LIMCH1: variants seen among roughly 807,000 people sequenced by gnomAD.
LIMCH1 encodes LIM and calponin homology domains 1.
In LIMCH1, 113 loss-of-function variants were observed where a neutral mutation model predicts 176.5. The ratio of observed to expected loss-of-function variants is 0.64; its 90% confidence interval spans 0.55 to 0.75. The LOEUF is 0.75. LIMCH1 is among the 30% of genes least tolerant of loss of function. The pLI is 0.00. For synonymous variants in LIMCH1, 619 were observed against 645.9 expected (o/e 0.96, Z 0.63); for missense variants, 1,674 against 1,814.9 (o/e 0.92, Z 1.41).
chr4:41,492,965 G>A (rs2071364339), intron 1 of LIMCH1, among the ~76,000 whole-genome samples: 1 of 152,030 alleles, frequency 6.6e-6, no homozygotes, highest in Non-Finnish European at 1.5e-5. Context: ...ACAATACAGT[G>A]TAACAATGAT....
At chr4:41,692,474 A>G (rs1485508258) in intron 31 of LIMCH1, 90 bp downstream of exon 31, 8 of 777,570 alleles carry the variant, frequency 1.0e-5, no homozygotes, top group Non-Finnish European at 1.8e-5. Flanking sequence ...ATTTTTCCCC[A>G]GCCGTTGACA....
chr4:41,646,989 A>G (rs2094090691), intron 17 of LIMCH1, 96 bp downstream of exon 17: 7 of 1,179,802 alleles, frequency 5.9e-6, no homozygotes, highest in Non-Finnish European at 8.4e-6. Context: ...TCTTTTTACC[A>G]TACAAAAGAA....
chr4:41,466,651 G>T (rs1413441353), intron 1 of LIMCH1, among the ~76,000 whole-genome samples: 1 of 152,128 alleles, frequency 6.6e-6, no homozygotes, highest in Non-Finnish European at 1.5e-5. Flanking sequence ...TAAATAGCCA[G>T]AATGATAGAT....
At chr4:41,663,481 T>G (rs934047753) in intron 20 of LIMCH1, among the ~76,000 whole-genome samples, 1 of 152,176 alleles carries the variant, frequency 6.6e-6, no homozygotes, top group Non-Finnish European at 1.5e-5. Context: ...CTAGTCTCTC[T>G]CCAATAATCA....
At chr4:41,420,675 G>A (rs1027593800) in intron 1 of LIMCH1, among the ~76,000 whole-genome samples, 4 of 152,180 alleles carry the variant, frequency 2.6e-5, no homozygotes, top group Admixed American at 6.5e-5. Context: ...CAGGGCCAAC[G>A]TGCTGGCCTC....
intron 1 of LIMCH1, among the ~76,000 whole-genome samples, chr4:41,383,369 G>T (rs1406727911): frequency 2.0e-5 from 3 of 152,168 alleles, no homozygotes; most frequent in African/African-American, 7.2e-5. Flanking sequence ...GAACATATAG[G>T]ACAGACAGCC....
At chr4:41,444,868 C>G (rs1253040988) in intron 1 of LIMCH1, among the ~76,000 whole-genome samples, 1 of 152,186 alleles carries the variant, frequency 6.6e-6, no homozygotes, top group Non-Finnish European at 1.5e-5. Context: ...CATCCACTGT[C>G]TGATGTGATG....
Position 41,421,268 on chromosome 4 carries a change from A to G in LIMCH1, c.96+60332A>G, listed in dbSNP as rs143215595. Among the ~76,000 whole-genome samples, 525 of 152,290 alleles carry G rather than the reference A, an allele frequency of 3.4e-3. 1 individual carries two copies. The highest frequency in any genetic ancestry group is 5.4e-3 in the Non-Finnish European group (370 of 68,028). On this transcript the variant is annotated intron_variant, in intron 1 of 26. Coordinates refer to the LIMCH1 transcript ENST00000313860. The stretch of plus-strand genomic sequence containing the variant: ...AGTGCTGTGAGAAGTGAGTTACTCT[A>G]TGTAAGCTCCTTAGAGTCATACCTG...
At chr4:41,680,175 G>A in intron 24 of LIMCH1, 77 bp downstream of exon 24, 1 of 911,390 alleles carries the variant, frequency 1.1e-6, no homozygotes, top group Non-Finnish European at 1.8e-6. Flanking sequence ...TGTGTCTGTG[G>A]CATGCGGATG....
intron 3 of LIMCH1, among the ~76,000 whole-genome samples, chr4:41,604,922 G>A (rs61253860): frequency 0.35 from 52,427 of 151,670 alleles, 12,225 homozygotes; most frequent in African/African-American, 0.67. Flanking sequence ...ACTATACCAT[G>A]TTGTCCGAAA....
chr4:41,503,027 A>G (rs2073643018), intron 2 of LIMCH1, among the ~76,000 whole-genome samples: 1 of 151,700 alleles, frequency 6.6e-6, no homozygotes, highest in South Asian at 2.1e-4. Flanking sequence ...CCATCCATCC[A>G]TCCATCCATC....
At chr4:41,399,981 C>T (rs973136415) in intron 1 of LIMCH1, among the ~76,000 whole-genome samples, 1 of 149,542 alleles carries the variant, frequency 6.7e-6, no homozygotes, top group Non-Finnish European at 1.5e-5. Flanking sequence ...CGTGCCCGGC[C>T]GAGGTGGATA....
chr4:41,535,473 C>T (rs535467341), upstream of LIMCH1, among the ~76,000 whole-genome samples: 1 of 152,300 alleles, frequency 6.6e-6, no homozygotes, highest in South Asian at 2.1e-4. Flanking sequence ...CCTTTCCCTG[C>T]ATCTTCACGT....
chr4:41,674,650 G>T (rs371797439), intron 22 of LIMCH1, among the ~76,000 whole-genome samples: 1 of 32,054 alleles, frequency 3.1e-5, no homozygotes, highest in East Asian at 2.6e-4. Context: ...CCAACCTACT[G>T]AATGAACATT....
intron 25 of LIMCH1, 46 bp downstream of exon 25, chr4:41,681,105 A>C: frequency 1.7e-6 from 2 of 1,206,012 alleles, no homozygotes; most frequent in South Asian, 1.2e-5. Flanking sequence ...ATAAACCTAA[A>C]TGGAAGTACC....
chr4:41,366,773 A>G (rs1395182531), intron 1 of LIMCH1, among the ~76,000 whole-genome samples: 1 of 152,236 alleles, frequency 6.6e-6, no homozygotes, highest in Admixed American at 6.5e-5. Flanking sequence ...ATAAAATTCC[A>G]TGTTTGCAAT....
At chr4:41,588,881 G>A (rs747624784) in intron 1 of LIMCH1, among the ~76,000 whole-genome samples, 23 of 152,198 alleles carry the variant, frequency 1.5e-4, no homozygotes, top group Admixed American at 7.2e-4. Flanking sequence ...GGAGGGCCAG[G>A]AGTGTTATCC....
chr4:41,370,132 G>A (rs2053745330), intron 1 of LIMCH1, among the ~76,000 whole-genome samples: 2 of 152,070 alleles, frequency 1.3e-5, no homozygotes, highest in Non-Finnish European at 2.9e-5. Flanking sequence ...TGGCTGCAAG[G>A]CGGGAGAGCA....
chr4:41,406,508 TC>T (rs1321825100), intron 1 of LIMCH1, among the ~76,000 whole-genome samples: 1 of 152,104 alleles, frequency 6.6e-6, no homozygotes, highest in Non-Finnish European at 1.5e-5. Flanking sequence ...GCAAGCAGCT[TC>T]CCCCTCCCTC....
Sources: allele counts gnomAD v4.1 joint callset (sites outside exome capture counted in the v4.1 genomes callset), GRCh38; gene constraint gnomAD v4.1.1; transcripts MANE v1.5; gene names NCBI Gene and HGNC (gene_info 2026-07-23, HGNC 2026-07-21).